HPSE2: variants seen among roughly 807,000 people sequenced by gnomAD.
HPSE2 encodes the protein inactive heparanase-2.
In HPSE2, 38 loss-of-function variants were observed where a neutral mutation model predicts 60.5. The observed-to-expected ratio is 0.63, with a 90% confidence interval of 0.48 to 0.82. The LOEUF (loss-of-function observed/expected upper bound fraction) is 0.82, where lower values mean the gene tolerates loss of function less well. HPSE2 is among the 40% of genes least tolerant of loss of function. HPSE2 has a pLI of 0.00. For synonymous variants in HPSE2, 295 were observed against 293.2 expected (o/e 1.01, Z -0.06); for missense variants, 713 against 740.4 (o/e 0.96, Z 0.43).
At chr10:99,277,711 C>G in the HPSE2 span, among the ~76,000 whole-genome samples, 1 of 151,974 alleles carries the variant, frequency 6.6e-6, no homozygotes, top group Non-Finnish European at 1.5e-5. Flanking sequence ...GTCATATGCA[C>G]AATACAGTAA....
At chr10:99,277,665 C>T in the HPSE2 span, among the ~76,000 whole-genome samples, 5 of 152,042 alleles carry the variant, frequency 3.3e-5, no homozygotes, top group Non-Finnish European at 7.4e-5. Flanking sequence ...AAACATTTAG[C>T]GTTTGTGTAT....
intron 3 of HPSE2, among the ~76,000 whole-genome samples, chr10:98,835,219 A>G (rs1951765117): frequency 6.6e-6 from 1 of 152,238 alleles, no homozygotes; most frequent in Admixed American, 6.5e-5. Context: ...GATCTGCAAC[A>G]TATTAGTAAG....
At chr10:99,268,874 G>A in the HPSE2 span, among the ~76,000 whole-genome samples, 1 of 152,078 alleles carries the variant, frequency 6.6e-6, no homozygotes, top group Non-Finnish European at 1.5e-5. Flanking sequence ...GAATTCACGG[G>A]CCAGGCATGG....
rs1323237170 is a variant in HPSE2 at position 98,459,699 on chromosome 10, C to T, written c.1654G>A (p.Asp552Asn). Residue 552 changes from aspartate to asparagine, a missense_variant, in exon 12 of 12, where the codon GAC (aspartate) becomes AAC (asparagine). Transcript: ENST00000370552. Reference protein sequence around the residue: ...LNGQPLVMVDDGTLPELKPRP... With the variant: ...LNGQPLVMVDNGTLPELKPRP... ...GGCTTCAATTCTGGGAGGGTCCCGT[C>T]GTCCACCATCACTAAGGGCTGGCCA... is the stretch of plus-strand genomic sequence containing the variant. The T allele has an allele frequency of 3.1e-6, 5 of 1,614,026 alleles. No homozygotes were observed. The highest frequency in any genetic ancestry group is 2.2e-5 in the South Asian group (2 of 91,062).
At chr10:98,811,371 G>GTT (rs1565180663) in intron 3 of HPSE2, among the ~76,000 whole-genome samples, 1 of 152,136 alleles carries the variant, frequency 6.6e-6, no homozygotes, top group African/African-American at 2.4e-5. Flanking sequence ...GGGTGACAGT[G>GTT]TGTTTGTTTA....
chr10:98,704,424 A>T (rs1278035050), intron 5 of HPSE2, among the ~76,000 whole-genome samples: 1 of 8,448 alleles, frequency 1.2e-4, no homozygotes, highest in Non-Finnish European at 2.7e-3. Context: ...TTTCATATGG[A>T]ACAAAAAAAA....
intron 3 of HPSE2, among the ~76,000 whole-genome samples, chr10:98,881,083 CT>C (rs1311981085): frequency 2.0e-5 from 3 of 152,044 alleles, no homozygotes; most frequent in Non-Finnish European, 4.4e-5. Flanking sequence ...AGAAGTATAG[CT>C]TTGTTTGCTT....
chr10:99,023,278 A>G (rs1292463621), intron 3 of HPSE2, among the ~76,000 whole-genome samples: 1 of 151,970 alleles, frequency 6.6e-6, no homozygotes, highest in Non-Finnish European at 1.5e-5. Flanking sequence ...AAATGGGAGG[A>G]AAGAGTGGGA....
At position 98,500,952 on chromosome 10, in the gene HPSE2, G is replaced by C. The variant is rs928857615; in HGVS notation, c.1321-10756C>G. Among the ~76,000 whole-genome samples, 5 of 151,930 alleles carry C rather than the reference G, an allele frequency of 3.3e-5. No individual in the cohort carries two copies. The South Asian group carries it at 1.0e-3, about 32-fold the overall frequency. On this transcript the variant is annotated intron_variant, in intron 9 of 11. Coordinates refer to ENST00000370552, the MANE Select transcript of HPSE2 (RefSeq NM_021828.5). Reference sequence around the variant, plus strand: ...CACATAAACTAGAAAACCTAGAAGAGGTGGATAAATTCCTGGAAAAATACC... The same window carrying C: ...CACATAAACTAGAAAACCTAGAAGACGTGGATAAATTCCTGGAAAAATACC...
rs994308553 is a variant in HPSE2, at chr10:98,788,951, G to A, written c.611-44895C>T. Among the ~76,000 whole-genome samples the A allele has an allele frequency of 1.1e-4, 17 of 152,050 alleles. 1 individual carries two copies. Among genetic ancestry groups the A allele is most frequent in the African/African-American group, 3.9e-4 (16 of 41,386 alleles). On this transcript the variant is annotated intron_variant, in intron 3 of 11. Transcript: ENST00000370552. The stretch of plus-strand genomic sequence containing the variant: ...CTGTAGACCGGAGCTGTTCCTATTC[G>A]GCCATCTTGGCTCCTCCTCCTATAT...
At chr10:99,068,016 G>A (rs1170929571) in intron 3 of HPSE2, among the ~76,000 whole-genome samples, 1 of 152,146 alleles carries the variant, frequency 6.6e-6, no homozygotes, top group Non-Finnish European at 1.5e-5. Flanking sequence ...AATGCCACCA[G>A]TCTCTTTGCA....
At chr10:98,648,799 G>A (rs1236703245) in intron 6 of HPSE2, among the ~76,000 whole-genome samples, 1 of 152,056 alleles carries the variant, frequency 6.6e-6, no homozygotes, top group Non-Finnish European at 1.5e-5. Flanking sequence ...ACAAAAGTAA[G>A]TATTTATATC....
intron 3 of HPSE2, among the ~76,000 whole-genome samples, chr10:98,924,185 C>T (rs949601880): frequency 6.6e-6 from 1 of 152,174 alleles, no homozygotes. Context: ...AGGCAGAAAC[C>T]CTTGTTCTTT....
At chr10:98,778,288 G>GAGAGAGAGAGAGAGAGAGAGAT in intron 3 of HPSE2, among the ~76,000 whole-genome samples, 1 of 151,312 alleles carries the variant, frequency 6.6e-6, no homozygotes, top group African/African-American at 2.4e-5. Context: ...GAGAGAGAGA[G>GAGAGAGAGAGAGAGAGAGAGAT]AGAGAGAGAA....
At chr10:98,467,285 C>T (rs1265089140) in intron 11 of HPSE2, among the ~76,000 whole-genome samples, 2 of 152,158 alleles carry the variant, frequency 1.3e-5, no homozygotes, top group East Asian at 1.9e-4. Context: ...CTCTTCTGTC[C>T]GCCCACTCAC....
At chr10:98,813,234 GC>G (rs1435981579) in intron 3 of HPSE2, among the ~76,000 whole-genome samples, 15 of 152,066 alleles carry the variant, frequency 9.9e-5, no homozygotes, top group Admixed American at 9.8e-4. Flanking sequence ...CAAGATCTGG[GC>G]CACTTAACCT....
chr10:99,108,695 C>CTGTA (rs1026672963), intron 3 of HPSE2, among the ~76,000 whole-genome samples: 8 of 152,176 alleles, frequency 5.3e-5, no homozygotes, highest in Non-Finnish European at 1.0e-4. Flanking sequence ...TAGGTTTATA[C>CTGTA]TGTAGCCTTA....
At chr10:99,191,035 C>T (rs1848202266) in intron 2 of HPSE2, among the ~76,000 whole-genome samples, 1 of 152,112 alleles carries the variant, frequency 6.6e-6, no homozygotes, top group Non-Finnish European at 1.5e-5. Flanking sequence ...GGAGAGACTC[C>T]TCTGCTTGAA....
intron 6 of HPSE2, among the ~76,000 whole-genome samples, chr10:98,689,753 G>C (rs1273615688): frequency 6.6e-6 from 1 of 152,186 alleles, no homozygotes; most frequent in Admixed American, 6.5e-5. Flanking sequence ...ATGAATGACT[G>C]ATCTTCTTGT....
Sources: allele counts gnomAD v4.1 joint callset (sites outside exome capture counted in the v4.1 genomes callset), GRCh38; gene constraint gnomAD v4.1.1; transcripts MANE v1.5; gene names NCBI Gene and HGNC (gene_info 2026-07-23, HGNC 2026-07-21).